Variants in AVIL observed in about 807,000 individuals in gnomAD.
AVIL encodes advillin.
AVIL carries 78 observed loss-of-function variants against 109.9 expected under a neutral mutation model. The ratio of observed to expected loss-of-function variants is 0.71; its 90% CI spans 0.59 to 0.86. The LOEUF (loss-of-function observed/expected upper bound fraction) is 0.86. Ranked by LOEUF, AVIL falls within the 40% of genes least tolerant of loss-of-function variation. AVIL has a pLI of 0.00. For missense variants in AVIL, 892 were observed against 1,016.5 expected (o/e 0.88, Z 1.67); for synonymous variants, 367 against 379.1 (o/e 0.97, Z 0.37).
chr12:57,811,191 G>C (rs1253131692), intron 4 of AVIL, 64 bp from the exon 5 acceptor site: 3 of 1,472,080 alleles, frequency 2.0e-6, no homozygotes, highest in African/African-American at 1.4e-5. Flanking sequence ...GGAGACAGTG[G>C]TGAATTACAC....
chr12:57,798,607 ATTCTT>A (rs1039315411), intron 19 of AVIL, among the ~76,000 whole-genome samples: 5 of 151,176 alleles, frequency 3.3e-5, no homozygotes, highest in East Asian at 1.9e-4. Context: ...AAAGAAATTT[ATTCTT>A]TTCTTTTCTT....
At chr12:57,800,839 C>G (rs1955832607) in intron 18 of AVIL, among the ~76,000 whole-genome samples, 1 of 152,186 alleles carries the variant, frequency 6.6e-6, no homozygotes, top group Admixed American at 6.5e-5. Flanking sequence ...AACTCCTGAC[C>G]TTAGGTGATC....
chr12:57,810,630 A>T, intron 6 of AVIL, 79 bp from the exon 7 acceptor site: 1 of 1,529,726 alleles, frequency 6.5e-7, no homozygotes, highest in Non-Finnish European at 8.9e-7. Flanking sequence ...AACAGCCTAG[A>T]TCCCAGACAC....
chr12:57,813,522 G>T, intron 3 of AVIL, 99 bp from the exon 4 acceptor site: 2 of 1,176,580 alleles, frequency 1.7e-6, no homozygotes, highest in Non-Finnish European at 1.2e-6. Flanking sequence ...GCATGCCCTT[G>T]GCAGACTGAG....
chr12:57,814,284 G>A lies in AVIL; in HGVS notation c.67-58C>T, dbSNP rs1956074847. The A allele has an allele frequency of 4.0e-6, 6 of 1,509,856 alleles. No homozygotes were observed. In the Admixed American group the frequency reaches 5.6e-5, roughly 14 times the overall value. The allele number at this position is 1,509,856 out of a possible 1,614,324, so 93.5% of individuals were successfully genotyped here. On this transcript the variant is annotated intron_variant, in intron 2 of 19. Transcript: ENST00000549994. ...CCCCTCCCACCTCCCTTCCCCATGAGCCTCCCTCTCCTCTCTGTCATTCGG... is the reference window on the plus strand; with the variant it reads ...CCCCTCCCACCTCCCTTCCCCATGAACCTCCCTCTCCTCTCTGTCATTCGG...
intron 4 of AVIL, among the ~76,000 whole-genome samples, chr12:57,811,499 G>T (rs929054118): frequency 6.6e-6 from 1 of 152,194 alleles, no homozygotes; most frequent in African/African-American, 2.4e-5. Context: ...ACTGGGAGAG[G>T]GATACAAGTT....
chr12:57,799,428 A>T (rs1955801222), intron 19 of AVIL, among the ~76,000 whole-genome samples: 1 of 152,214 alleles, frequency 6.6e-6, no homozygotes, highest in Non-Finnish European at 1.5e-5. Flanking sequence ...GTGGGAAGCT[A>T]TTCCAGGTGT....
chr12:57,813,658 C>A (rs1265981527), intron 3 of AVIL, among the ~76,000 whole-genome samples: 1 of 152,198 alleles, frequency 6.6e-6, no homozygotes, highest in Admixed American at 6.5e-5. Flanking sequence ...TTGTTGTTCC[C>A]CAAATAAATA....
chr12:57,807,238 C>G (rs942163569), intron 13 of AVIL, 93 bp downstream of exon 13: 2 of 1,569,064 alleles, frequency 1.3e-6, no homozygotes, highest in Non-Finnish European at 8.7e-7. Flanking sequence ...TGACTCCCTA[C>G]CCCACCCCTC....
chr12:57,801,929 G>A (rs1595157570), intron 17 of AVIL, among the ~76,000 whole-genome samples: 1 of 152,200 alleles, frequency 6.6e-6, no homozygotes, highest in East Asian at 1.9e-4. Context: ...TTTATAAACT[G>A]TTTATACTTC....
Position 57,802,258 on chromosome 12 carries a change from C to T in AVIL, c.2053G>A (p.Gly685Ser), listed in dbSNP as rs200254571. ...AQQYLHTHPS[G>S]RDPDTPILII... ...AGGATTGGTGTGTCGGGATCTCGGC[C>T]GCTGGGGTGAGTGTGCAGGTACTGC... The change falls in exon 17 of 20, where the codon GGC (glycine) becomes AGC (serine). Residue 685 changes from glycine (G) to serine (S), a missense_variant. Transcript: ENST00000549994. The T allele has an allele frequency of 1.9e-5, 30 of 1,614,090 alleles. No homozygotes were observed. The highest frequency in any genetic ancestry group is 1.7e-4 in the Middle Eastern group (1 of 6,060).
intron 1 of AVIL, among the ~76,000 whole-genome samples, chr12:57,817,152 A>G (rs1280128060): frequency 6.6e-6 from 1 of 152,060 alleles, no homozygotes. Context: ...ATCTGATAAC[A>G]TGCATAATTA....
chr12:57,813,484 C>G, intron 3 of AVIL, 61 bp from the exon 4 acceptor site: 1 of 1,516,656 alleles, frequency 6.6e-7, no homozygotes, highest in Non-Finnish European at 9.0e-7. Context: ...GCTGCTGGCC[C>G]CTGTTATGGG....
chr12:57,811,872 C>T (rs1288335406), intron 4 of AVIL, among the ~76,000 whole-genome samples: 1 of 152,248 alleles, frequency 6.6e-6, no homozygotes, highest in Admixed American at 6.5e-5. Flanking sequence ...CCTTCGCTCC[C>T]TCTCTAGTGT....
chr12:57,803,986 GTACA>G (rs1303303330), intron 14 of AVIL: 1 of 242,586 alleles, frequency 4.1e-6, no homozygotes, highest in Non-Finnish European at 8.0e-6. Context: ...ATTTTTAAAA[GTACA>G]TACAATAAAA....
intron 19 of AVIL, among the ~76,000 whole-genome samples, chr12:57,798,396 T>G (rs1006944269): frequency 6.6e-6 from 1 of 152,198 alleles, no homozygotes; most frequent in East Asian, 1.9e-4. Flanking sequence ...AAATGCATGA[T>G]CGGGTGGATC....
intron 19 of AVIL, 41 bp from the exon 20 acceptor site, chr12:57,798,036 G>A (rs1347843587): frequency 3.4e-6 from 5 of 1,467,474 alleles, no homozygotes; most frequent in Non-Finnish European, 4.7e-6. Flanking sequence ...AGGAAGACAT[G>A]ACATCATTGC....
rs1292766250 is a variant in AVIL, at chr12:57,803,235, G to T, written c.1962+12C>A. On this transcript the variant is annotated intron_variant, in intron 16 of 19. Transcript: ENST00000549994. ...TCTTTCTCATGTTCTGACTTCTGCA[G>T]CTGTGTCTTACCTGGTCCCAGGTAT... The T allele has an allele frequency of 1.2e-6, 2 of 1,613,846 alleles. No individual in the cohort carries two copies. The highest frequency in any genetic ancestry group is 2.7e-5 in the African/African-American group (2 of 74,912).
chr12:57,816,617 C>G (rs182072742), intron 1 of AVIL: 3 of 151,794 alleles, frequency 2.0e-5, no homozygotes, highest in African/African-American at 7.3e-5. Flanking sequence ...TGCCTTCTCT[C>G]ACTCTCATTC....
Sources: allele counts gnomAD v4.1 joint callset (sites outside exome capture counted in the v4.1 genomes callset), GRCh38; gene constraint gnomAD v4.1.1; transcripts MANE v1.5; gene names NCBI Gene and HGNC (gene_info 2026-07-23, HGNC 2026-07-21).